KCTD8: variants seen among roughly 807,000 people sequenced by gnomAD.
The protein encoded by KCTD8 is potassium channel tetramerization domain containing 8.
KCTD8 carries 27 observed loss-of-function variants against 31.5 expected under a neutral mutation model. That is an observed-to-expected ratio of 0.86 (90% CI 0.63 to 1.18). The LOEUF (loss-of-function observed/expected upper bound fraction) is 1.18, where lower values mean the gene tolerates loss of function less well. KCTD8 is among the 50% of genes most tolerant of loss of function. The probability of loss-of-function intolerance (pLI) is 0.00; values close to 1 mark genes in which losing one functional copy is unlikely to be tolerated. For synonymous variants in KCTD8, 290 were observed against 280.0 expected, an observed-to-expected ratio of 1.04 and a Z score of -0.36; for missense variants, 658 against 647.7, an observed-to-expected ratio of 1.02 and a Z score of -0.17.
chr4:44,285,117 AC>A (rs1382807538), intron 1 of KCTD8, among the ~76,000 whole-genome samples: 5 of 152,198 alleles, frequency 3.3e-5, no homozygotes, highest in African/African-American at 1.2e-4. Context: ...CAATCCCATT[AC>A]TGGGCATATA....
At chr4:44,391,890 G>A (rs1285326640) in intron 1 of KCTD8, among the ~76,000 whole-genome samples, 2 of 151,944 alleles carry the variant, frequency 1.3e-5, no homozygotes, top group Non-Finnish European at 2.9e-5. Context: ...TTCCAGAAAT[G>A]ACACTGAGTA....
intron 1 of KCTD8, among the ~76,000 whole-genome samples, chr4:44,245,270 A>C (rs905276062): frequency 2.0e-5 from 3 of 152,116 alleles, no homozygotes; most frequent in Non-Finnish European, 4.4e-5. Flanking sequence ...AGTCCTCAGC[A>C]TGTTTTAAAA....
chr4:44,271,958 C>T (rs369434828), intron 1 of KCTD8, among the ~76,000 whole-genome samples: 3 of 151,862 alleles, frequency 2.0e-5, no homozygotes, highest in African/African-American at 4.8e-5. Flanking sequence ...TAGGGTCTCC[C>T]CAACCAAGCT....
chr4:44,313,138 C>T (rs776488776), intron 1 of KCTD8, among the ~76,000 whole-genome samples: 2 of 152,188 alleles, frequency 1.3e-5, no homozygotes, highest in South Asian at 4.1e-4. Flanking sequence ...TTCTGAAGAA[C>T]TCCATGAAAA....
At chr4:44,249,632 A>T (rs1422532864) in intron 1 of KCTD8, among the ~76,000 whole-genome samples, 1 of 151,834 alleles carries the variant, frequency 6.6e-6, no homozygotes, top group African/African-American at 2.4e-5. Context: ...GGGTTCACAG[A>T]TCATACTTTG....
chr4:44,378,668 C>T (rs1161449072), intron 1 of KCTD8, among the ~76,000 whole-genome samples: 1 of 152,078 alleles, frequency 6.6e-6, no homozygotes, highest in Non-Finnish European at 1.5e-5. Context: ...AACATTATTT[C>T]ACATCTGAGT....
In KCTD8 at chr4:44,424,818, A is replaced by T. The variant is rs76628525; in HGVS notation, c.961+22745T>A. Among the ~76,000 whole-genome samples, 1,013 of 152,192 alleles carry T rather than the reference A, an allele frequency of 6.7e-3. 14 individuals carry two copies. The highest frequency in any genetic ancestry group is 0.023 in the African/African-American group (969 of 41,542). ...ATTTGCTATAATAACATTAATAAAC[A>T]CTTTGCTGTTACCCAGTTCTCATTG... On this transcript the variant is annotated intron_variant, in intron 1 of 1. Transcript: ENST00000360029.
At chr4:44,198,865 G>T (rs1714030296) in intron 1 of KCTD8, among the ~76,000 whole-genome samples, 1 of 152,086 alleles carries the variant, frequency 6.6e-6, no homozygotes, top group African/African-American at 2.4e-5. Flanking sequence ...AAAGTGGCAA[G>T]CTGGATAAAA....
chr4:44,310,105 T>G (rs1717909758), intron 1 of KCTD8, among the ~76,000 whole-genome samples: 1 of 152,110 alleles, frequency 6.6e-6, no homozygotes, highest in African/African-American at 2.4e-5. Flanking sequence ...AATATAACCT[T>G]TTTGGTTTAT....
chr4:44,324,289 T>A, intron 1 of KCTD8, among the ~76,000 whole-genome samples: 1 of 152,016 alleles, frequency 6.6e-6, no homozygotes, highest in Non-Finnish European at 1.5e-5. Context: ...ATTGACACAG[T>A]CAAGCTATTA....
intron 1 of KCTD8, among the ~76,000 whole-genome samples, chr4:44,351,133 C>G (rs573469983): frequency 1.3e-5 from 2 of 152,202 alleles, no homozygotes; most frequent in South Asian, 4.1e-4. Context: ...AATTATCTTT[C>G]ATTATTTACA....
intron 1 of KCTD8, among the ~76,000 whole-genome samples, chr4:44,296,323 G>A (rs1319243746): frequency 6.6e-6 from 1 of 151,964 alleles, no homozygotes; most frequent in Non-Finnish European, 1.5e-5. Context: ...AATATAAGAA[G>A]AGGCTATGGA....
At chr4:44,289,454 G>A (rs1225924847) in intron 1 of KCTD8, among the ~76,000 whole-genome samples, 1 of 152,054 alleles carries the variant, frequency 6.6e-6, no homozygotes, top group Non-Finnish European at 1.5e-5. Context: ...ATAGATCCAT[G>A]GAGAGAAAAC....
intron 1 of KCTD8, among the ~76,000 whole-genome samples, chr4:44,301,732 T>C (rs1277503165): frequency 6.6e-6 from 1 of 152,198 alleles, no homozygotes; most frequent in Non-Finnish European, 1.5e-5. Flanking sequence ...TTAGATCCCA[T>C]TTGTCAATTT....
chr4:44,203,781 TA>T (rs1714220431), intron 1 of KCTD8, among the ~76,000 whole-genome samples: 1 of 151,672 alleles, frequency 6.6e-6, no homozygotes, highest in Admixed American at 6.6e-5. Flanking sequence ...GGAGAGTATT[TA>T]AAATGAGAAC....
chr4:44,297,361 T>C (rs1200368264), intron 1 of KCTD8, among the ~76,000 whole-genome samples: 4 of 152,134 alleles, frequency 2.6e-5, no homozygotes, highest in African/African-American at 9.6e-5. Context: ...CTTACTTTTT[T>C]GACATAACAT....
intron 1 of KCTD8, among the ~76,000 whole-genome samples, chr4:44,425,106 C>T (rs1721313684): frequency 6.6e-6 from 1 of 152,024 alleles, no homozygotes; most frequent in Non-Finnish European, 1.5e-5. Context: ...ACACTGTCTA[C>T]ACTTTGATTT....
At chr4:44,200,304 T>C (rs867682618) in intron 1 of KCTD8, among the ~76,000 whole-genome samples, 4 of 151,800 alleles carry the variant, frequency 2.6e-5, no homozygotes, top group African/African-American at 7.3e-5. Context: ...CCCTAACATA[T>C]TCTATGAAGC....
rs1382425104 is a variant in KCTD8, at chr4:44,374,263, C to CAGCG, written c.961+73296_961+73299dup. On this transcript the variant is annotated intron_variant, in intron 1 of 1. Coordinates refer to ENST00000360029, the MANE Select transcript of KCTD8 (RefSeq NM_198353.3). ...GACAATCAAGCTGCAGAGGAGAGAA[C>CAGCG]AGCGGGCTGACCTAAAGACTGCTAG... is the stretch of plus-strand genomic sequence containing the variant. Among the ~76,000 whole-genome samples, 6 of 152,272 alleles carry CAGCG rather than the reference C, an allele frequency of 3.9e-5. No homozygotes were observed. The East Asian group carries it at 9.7e-4, about 25-fold the overall frequency.
Sources: gnomAD v4.1 joint callset for allele counts (sites outside exome capture counted in the v4.1 genomes callset) on GRCh38, gnomAD v4.1.1 for gene constraint, MANE v1.5 for transcripts, NCBI Gene and HGNC (gene_info 2026-07-23, HGNC 2026-07-21) for gene names.